Variants in TMEM108 observed in about 807,000 individuals in gnomAD.
TMEM108 encodes transmembrane protein 108, also known as cancer/testis antigen 124.
TMEM108 carries 12 observed loss-of-function variants against 35.1 expected under a neutral mutation model. The ratio of observed to expected loss-of-function variants is 0.34; its 90% CI spans 0.22 to 0.55. The LOEUF (loss-of-function observed/expected upper bound fraction) is 0.55, where lower values mean the gene tolerates loss of function less well. TMEM108 is among the 20% of genes least tolerant of loss of function. TMEM108 has a pLI of 0.89. For synonymous variants in TMEM108, 287 were observed against 308.6 expected, an observed-to-expected ratio of 0.93 and a Z score of 0.73; for missense variants, 680 against 753.3, an observed-to-expected ratio of 0.90 and a Z score of 1.14.
intron 2 of TMEM108, among the ~76,000 whole-genome samples, chr3:133,169,928 G>A (rs1945104404): frequency 1.3e-5 from 2 of 152,156 alleles, no homozygotes; most frequent in East Asian, 3.8e-4. Flanking sequence ...CAGATGCACT[G>A]GAAACAAGGG....
At chr3:133,392,646 C>T (rs1205927226) in intron 5 of TMEM108, among the ~76,000 whole-genome samples, 2 of 152,114 alleles carry the variant, frequency 1.3e-5, no homozygotes, top group Non-Finnish European at 2.9e-5. Flanking sequence ...TTGATTTCGC[C>T]CTCCCAACCC....
chr3:133,394,222 A>T (rs1011820764), intron 5 of TMEM108, among the ~76,000 whole-genome samples: 1 of 152,210 alleles, frequency 6.6e-6, no homozygotes, highest in Non-Finnish European at 1.5e-5. Context: ...TCCTCAGGAC[A>T]TGTACTCACC....
At chr3:133,186,322 A>G (rs527340550) in intron 2 of TMEM108, among the ~76,000 whole-genome samples, 1 of 152,344 alleles carries the variant, frequency 6.6e-6, no homozygotes, top group South Asian at 2.1e-4. Context: ...ATGGTTGCTT[A>G]ACAGAGAGAA....
chr3:133,317,252 T>C (rs1024257391), intron 3 of TMEM108, among the ~76,000 whole-genome samples: 6 of 152,312 alleles, frequency 3.9e-5, no homozygotes, highest in African/African-American at 1.4e-4. Flanking sequence ...TGTTACTGTA[T>C]TACTATGATG....
At chr3:133,204,918 A>G (rs1945728740) in intron 2 of TMEM108, among the ~76,000 whole-genome samples, 1 of 152,098 alleles carries the variant, frequency 6.6e-6, no homozygotes, top group Non-Finnish European at 1.5e-5. Flanking sequence ...GTCTCCCGCT[A>G]TTATTTTGTG....
At chr3:133,379,668 CT>C in intron 3 of TMEM108, 83 bp from the exon 4 acceptor site, 1 of 1,380,464 alleles carries the variant, frequency 7.2e-7, no homozygotes, top group Non-Finnish European at 1.0e-6. Flanking sequence ...GTTCCCAGCA[CT>C]GTCCTAGGCC....
At chr3:133,175,674 A>G (rs1945207805) in intron 2 of TMEM108, among the ~76,000 whole-genome samples, 4 of 152,212 alleles carry the variant, frequency 2.6e-5, no homozygotes, top group South Asian at 2.1e-4. Flanking sequence ...TGAAGGAAGC[A>G]CTAAACATGG....
intron 2 of TMEM108, among the ~76,000 whole-genome samples, chr3:133,195,206 A>G (rs1945559509): frequency 6.6e-6 from 1 of 152,192 alleles, no homozygotes; most frequent in Non-Finnish European, 1.5e-5. Flanking sequence ...TGTCTAATGT[A>G]ATACTTGTAA....
At chr3:133,214,208 A>G (rs946020580) in intron 2 of TMEM108, among the ~76,000 whole-genome samples, 1 of 152,090 alleles carries the variant, frequency 6.6e-6, no homozygotes, top group African/African-American at 2.4e-5. Flanking sequence ...TCTTACCCCT[A>G]TTACAGGAAA....
At chr3:133,371,850 A>G (rs1360582237) in intron 3 of TMEM108, among the ~76,000 whole-genome samples, 2 of 152,216 alleles carry the variant, frequency 1.3e-5, no homozygotes, top group African/African-American at 2.4e-5. Context: ...AGATATGGGC[A>G]TATAACATGG....
At chr3:133,252,468 T>C (rs1363236504) in intron 3 of TMEM108, among the ~76,000 whole-genome samples, 1 of 152,198 alleles carries the variant, frequency 6.6e-6, no homozygotes, top group Non-Finnish European at 1.5e-5. Flanking sequence ...AGCCTGCAAC[T>C]ATACATGCAC....
At chr3:133,197,769 A>C (rs2107822475) in intron 2 of TMEM108, among the ~76,000 whole-genome samples, 1 of 152,274 alleles carries the variant, frequency 6.6e-6, no homozygotes, top group East Asian at 1.9e-4. Flanking sequence ...AGAAAATATG[A>C]GCCAGGGTAC....
intron 2 of TMEM108, among the ~76,000 whole-genome samples, chr3:133,194,503 A>G (rs1023368833): frequency 6.6e-6 from 1 of 152,034 alleles, no homozygotes; most frequent in African/African-American, 2.4e-5. Flanking sequence ...TACCTTCCTG[A>G]ATGTTCAAAC....
chr3:133,105,644 TG>T (rs1197108262), intron 2 of TMEM108, among the ~76,000 whole-genome samples: 1 of 152,146 alleles, frequency 6.6e-6, no homozygotes, highest in Non-Finnish European at 1.5e-5. Context: ...CACATGTGTG[TG>T]TTTCTTTAGA....
intron 2 of TMEM108, among the ~76,000 whole-genome samples, chr3:133,057,469 A>ATC (rs1559818470): frequency 4.9e-5 from 2 of 40,620 alleles, no homozygotes; most frequent in African/African-American, 1.3e-4. Flanking sequence ...ATATATATAT[A>ATC]TATATATATA....
At chr3:133,086,076 T>A (rs990524845) in intron 2 of TMEM108, among the ~76,000 whole-genome samples, 2 of 152,210 alleles carry the variant, frequency 1.3e-5, no homozygotes, top group Admixed American at 1.3e-4. Flanking sequence ...GGAGATATCA[T>A]ATGGAAAGAA....
chr3:133,282,152 G>A (rs565860180), intron 3 of TMEM108, among the ~76,000 whole-genome samples: 11 of 151,938 alleles, frequency 7.2e-5, no homozygotes, highest in Non-Finnish European at 8.8e-5. Context: ...GCGAGACTCC[G>A]TCTCAAAAAA....
At chr3:133,221,662 T>A (rs1193325653) in intron 2 of TMEM108, among the ~76,000 whole-genome samples, 3 of 46,976 alleles carry the variant, frequency 6.4e-5, no homozygotes, top group Non-Finnish European at 7.5e-5. Flanking sequence ...ATTGATTCCT[T>A]TTTTTTTTTT....
chr3:133,093,021 ACT>A (rs2107708384), intron 2 of TMEM108, among the ~76,000 whole-genome samples: 1 of 140,312 alleles, frequency 7.1e-6, no homozygotes, highest in South Asian at 2.2e-4. Flanking sequence ...ATGGAGTCTT[ACT>A]CTGTCACCCA....
Sources: gnomAD v4.1 joint callset for allele counts (sites outside exome capture counted in the v4.1 genomes callset) on GRCh38, gnomAD v4.1.1 for gene constraint, MANE v1.5 for transcripts, NCBI Gene and HGNC (gene_info 2026-07-23, HGNC 2026-07-21) for gene names.